The following GAB4 variants were observed in gnomAD, a reference collection of about 807,000 sequenced individuals.
GAB4 encodes GRB2 associated binding protein family member 4, also known as GRB2-associated-binding protein 4.
Under a neutral mutation model 51.3 loss-of-function variants are expected in GAB4, and 26 were observed. The ratio of observed to expected loss-of-function variants is 0.51; its 90% CI spans 0.37 to 0.70. The LOEUF (loss-of-function observed/expected upper bound fraction) is 0.70, where lower values mean the gene tolerates loss of function less well. GAB4 is among the 30% of genes least tolerant of loss of function. The probability of loss-of-function intolerance (pLI) is 0.00; values close to 1 mark genes in which losing one functional copy is unlikely to be tolerated. For synonymous variants in GAB4, 329 were observed against 291.2 expected (o/e 1.13, Z -1.32); for missense variants, 759 against 734.6 (o/e 1.03, Z -0.38).
In GAB4 at chr22:16,977,799, T is replaced by A. The variant is rs183042189; in HGVS notation, c.687-7606A>T. Among the ~76,000 whole-genome samples, 92 of 152,226 alleles carry A rather than the reference T, an allele frequency of 6.0e-4. 1 individual carries two copies. Among genetic ancestry groups the A allele is most frequent in the Admixed American group, 5.5e-3 (84 of 15,296 alleles). On this transcript the variant is annotated intron_variant, in intron 3 of 9. Transcript: ENST00000400588. ...TGGAAGTAAAACACTCCTCAGCAAA[T>A]GCAAATGAAGGGAAATCATAACAAA...
intron 3 of GAB4, among the ~76,000 whole-genome samples, chr22:16,983,406 C>T (rs1040290753): frequency 3.9e-5 from 6 of 152,114 alleles, no homozygotes; most frequent in Admixed American, 6.5e-5. Context: ...GAGTCAATGC[C>T]TATCAAAATA....
At chr22:16,964,909 G>A in intron 7 of GAB4, 47 bp from the exon 8 acceptor site, 3 of 1,442,846 alleles carry the variant, frequency 2.1e-6, no homozygotes, top group Non-Finnish European at 2.9e-6. Flanking sequence ...GGGGCTCAGG[G>A]CTGCTGTCAG....
At chr22:16,975,635 C>T (rs2123669806) in intron 3 of GAB4, among the ~76,000 whole-genome samples, 1 of 152,352 alleles carries the variant, frequency 6.6e-6, no homozygotes, top group East Asian at 1.9e-4. Flanking sequence ...AGCAGCATAT[C>T]TCCCAGCACA....
chr22:16,968,957 G>A (rs114569279), intron 4 of GAB4, among the ~76,000 whole-genome samples: 2,946 of 152,258 alleles, frequency 0.019, 106 homozygotes, highest in African/African-American at 0.067. Flanking sequence ...CATATAAAAT[G>A]GAGAAAACAA....
intron 5 of GAB4, among the ~76,000 whole-genome samples, chr22:16,968,038 C>A (rs1163773017): frequency 2.6e-5 from 4 of 152,192 alleles, no homozygotes; most frequent in African/African-American, 9.7e-5. Flanking sequence ...AGAACCCCAG[C>A]ATTCTGCACC....
At position 16,971,887 on chromosome 22, in the gene GAB4, G is replaced by A. The variant is rs965144535; in HGVS notation, c.687-1694C>T. ...CGAGCTTCACAGCCTTCCTTCCTGG[G>A]CCTCTGCATTCCTTCTCCCTTTCTA... On this transcript the variant is annotated intron_variant, in intron 3 of 9. Coordinates refer to ENST00000400588, the MANE Select transcript of GAB4 (RefSeq NM_001037814.1). Among the ~76,000 whole-genome samples, 3 of 152,280 alleles carry A rather than the reference G, an allele frequency of 2.0e-5. No individual in the cohort carries two copies. In the East Asian group the frequency reaches 5.8e-4, roughly 29 times the overall value.
In GAB4 at chr22:16,970,090, T is replaced by A; in HGVS notation, c.790A>T (p.Ser264Cys). 6.2e-7 allele frequency: 1 copy of A among 1,614,212 alleles called. No homozygotes were observed. Among genetic ancestry groups the A allele is most frequent in the African/African-American group, 1.3e-5 (1 of 75,054 alleles). Reference sequence around the variant, plus strand: ...CTATGGAAGCCATGGATGTGACCGCTGACCCCATCAACACTGTATCCACTG... The same window carrying A: ...CTATGGAAGCCATGGATGTGACCGCAGACCCCATCAACACTGTATCCACTG... ...QHSGYSVDGV[S>C]GHIHGFHSLS... The change falls in exon 4 of 10, where the codon AGC (serine) becomes TGC (cysteine). Residue 264 changes from serine to cysteine, a missense_variant. Around this residue, in one of 3 missense-constraint regions of GAB4, gnomAD observed 588 missense variants for 510.2 expected, o/e 1.15. Transcript: ENST00000400588.
intron 1 of GAB4, among the ~76,000 whole-genome samples, chr22:16,998,795 C>T (rs1237458220): frequency 6.6e-6 from 1 of 152,048 alleles, no homozygotes; most frequent in Non-Finnish European, 1.5e-5. Flanking sequence ...TCATAAATAG[C>T]TCTTATTAAT....
intron 3 of GAB4, among the ~76,000 whole-genome samples, chr22:16,976,035 T>A (rs1380547734): frequency 6.6e-6 from 1 of 151,326 alleles, no homozygotes; most frequent in Non-Finnish European, 1.5e-5. Flanking sequence ...ATCACCAACA[T>A]CAAAGATCAA....
At position 16,983,361 on chromosome 22, in the gene GAB4, T is replaced by C. The variant is rs145514367; in HGVS notation, c.686+4599A>G. 1.2e-4 allele frequency among the ~76,000 whole-genome samples: 18 copies of C among 152,296 alleles called. No individual in the cohort carries two copies. The East Asian group carries it at 3.3e-3, about 28-fold the overall frequency. ...ATAGCCCTCATGGTCTGGTGTTGCA[T>C]CTGATCACCCCAACACTACCTAAAG... On this transcript the variant is annotated intron_variant, in intron 3 of 9. Transcript: ENST00000400588.
At chr22:16,964,186 C>A (rs186095281) in intron 8 of GAB4, among the ~76,000 whole-genome samples, 3 of 152,260 alleles carry the variant, frequency 2.0e-5, no homozygotes, top group Non-Finnish European at 2.9e-5. Flanking sequence ...CCAGGAGACA[C>A]GCAGGGTCCC....
intron 1 of GAB4, among the ~76,000 whole-genome samples, chr22:17,004,877 A>G (rs2061027854): frequency 6.6e-6 from 1 of 152,216 alleles, no homozygotes; most frequent in Non-Finnish European, 1.5e-5. Flanking sequence ...ATTTATGACA[A>G]ACCCACAGCT....
chr22:16,964,727 A>T (rs1335875436), intron 8 of GAB4, 39 bp downstream of exon 8: 6 of 1,412,660 alleles, frequency 4.2e-6, no homozygotes, highest in Non-Finnish European at 5.0e-6. Context: ...GTCCCAGGGG[A>T]CTCTGATAGG....
chr22:16,965,010 C>T lies in GAB4; in HGVS notation c.1380-148G>A, dbSNP rs535626175. 2.2e-5 allele frequency: 16 copies of T among 742,088 alleles called. 1 individual carries two copies. The South Asian group carries it at 2.9e-4, about 13-fold the overall frequency. 46.0% of individuals were successfully genotyped at this position (742,088 alleles called of 1,614,324 possible). ...ACTGATAGGGACAGGGATCATTATT[C>T]CCCCTTTACAGATGAGAAGGCCGTC... On this transcript the variant is annotated intron_variant, in intron 7 of 9. Coordinates refer to ENST00000400588, the MANE Select transcript of GAB4 (RefSeq NM_001037814.1).
chr22:16,985,673 AT>A (rs1187255482), intron 3 of GAB4, among the ~76,000 whole-genome samples: 2 of 152,188 alleles, frequency 1.3e-5, no homozygotes, highest in Non-Finnish European at 2.9e-5. Context: ...GATATTGCTA[AT>A]TGTCCTCTCA....
intron 1 of GAB4, among the ~76,000 whole-genome samples, chr22:16,994,045 A>G (rs558955983): frequency 6.6e-6 from 1 of 151,736 alleles, no homozygotes; most frequent in Non-Finnish European, 1.5e-5. Context: ...CAAGACACAA[A>G]TTTCTCCCAT....
chr22:17,002,242 G>A (rs2061003508), intron 1 of GAB4, among the ~76,000 whole-genome samples: 1 of 152,132 alleles, frequency 6.6e-6, no homozygotes, highest in South Asian at 2.1e-4. Flanking sequence ...GCTGGGAGCT[G>A]TAGACTGGAG....
In GAB4 at chr22:16,969,985, G is replaced by A; in HGVS notation, c.895C>T (p.His299Tyr). Residue 299 changes from histidine (H) to tyrosine (Y), a missense_variant, in exon 4 of 10, where the codon CAC becomes TAC. Physicochemically the swap from His to Tyr is moderately conservative, Grantham distance 83. Coordinates refer to ENST00000400588, the MANE Select transcript of GAB4 (RefSeq NM_001037814.1). ...GAGCCTGTGAGGCTGCCTCTGGTGT[G>A]GCCATGGGAGGCCAGGCTCCAGGGG... is the stretch of plus-strand genomic sequence containing the variant. ...RIPWSLASHG[H>Y]TRGSLTGSEA... 2 of 1,614,190 alleles carry A rather than the reference G, an allele frequency of 1.2e-6. No homozygotes were observed. Among genetic ancestry groups the A allele is most frequent in the Non-Finnish European group, 8.5e-7 (1 of 1,180,022 alleles).
At chr22:16,969,606 T>C (rs2060712045) in intron 4 of GAB4, 2 of 600,808 alleles carry the variant, frequency 3.3e-6, no homozygotes, top group Middle Eastern at 4.1e-4. Flanking sequence ...TGAGGGCTCA[T>C]ACTGACCTTG....
Sources: gnomAD v4.1 joint callset for allele counts (sites outside exome capture counted in the v4.1 genomes callset) on GRCh38, gnomAD v4.1.1 for gene constraint, gnomAD v4.1.1 regional missense constraint, MANE v1.5 for transcripts, NCBI Gene and HGNC (gene_info 2026-07-23, HGNC 2026-07-21) for gene names.